The following PLEKHA5 variants were observed in gnomAD, a reference collection of about 807,000 sequenced individuals.
The protein encoded by PLEKHA5 is pleckstrin homology domain containing A5, also known as pleckstrin homology domain-containing family A member 5.
PLEKHA5 carries 55 observed loss-of-function variants against 181.9 expected under a neutral mutation model. That is an observed-to-expected ratio of 0.30 (90% confidence interval 0.24 to 0.38). The LOEUF is 0.38. Ranked by LOEUF, PLEKHA5 falls within the 10% of genes least tolerant of loss-of-function variation. The probability of loss-of-function intolerance (pLI) is 1.00; values close to 1 mark genes in which losing one functional copy is unlikely to be tolerated. For synonymous variants in PLEKHA5, 535 were observed against 529.4 expected (o/e 1.01, Z -0.15); for missense variants, 1,432 against 1,549.5 (o/e 0.92, Z 1.27).
At chr12:19,138,813 A>G (rs946882718) in intron 3 of PLEKHA5, among the ~76,000 whole-genome samples, 1 of 152,138 alleles carries the variant, frequency 6.6e-6, no homozygotes, top group African/African-American at 2.4e-5. Flanking sequence ...CTTGTTAGTG[A>G]TGGTTCTGTA....
In PLEKHA5 at chr12:19,253,064, CTTTTTTTTTTTTTT is replaced by C. The variant is rs35536570; in HGVS notation, c.228-863_228-850del. Among the ~76,000 whole-genome samples, 4 of 45,876 alleles carry C rather than the reference CTTTTTTTTTTTTTT, an allele frequency of 8.7e-5. No individual in the cohort carries two copies. The East Asian group carries it at 1.7e-3, about 19-fold the overall frequency. The allele number at this position is 45,876 out of a possible 152,430, so 30.1% of individuals were successfully genotyped here. A position where few individuals can be genotyped will look rare whatever the true frequency, so the allele number is the denominator to read the frequency against. On this transcript the variant is annotated intron_variant, in intron 3 of 31. Transcript: ENST00000429027. ...GAGCTAAACAGCCAAATCAACTTAC[CTTTTTTTTTTTTTT>C]TTTTTTTTTTTTGGGAGACAGAGGC...
In PLEKHA5 at chr12:19,235,024, GTTTTC is replaced by G. The variant is rs2061205473; in HGVS notation, c.228-18911_228-18907del. Among the ~76,000 whole-genome samples the G allele has an allele frequency of 2.6e-5, 4 of 151,786 alleles. No individual in the cohort carries two copies. The South Asian group carries it at 6.3e-4, about 24-fold the overall frequency. Reference sequence around the variant, plus strand: ...TTTTCATGTTTCTGAGAATGGATTTGTTTTCTTTTATTGTATGAGGAGTTTAAACT... The same window carrying G: ...TTTTCATGTTTCTGAGAATGGATTTGTTTTATTGTATGAGGAGTTTAAACT... On this transcript the variant is annotated intron_variant, in intron 3 of 31. Coordinates refer to ENST00000429027, the MANE Select transcript of PLEKHA5 (RefSeq NM_001256470.2).
chr12:19,212,832 G>T (rs866493220), intron 3 of PLEKHA5, among the ~76,000 whole-genome samples: 875 of 83,160 alleles, frequency 0.011, 6 homozygotes, highest in African/African-American at 0.031. Context: ...GTTTTTTTTT[G>T]TTGTTTTTTT....
chr12:19,180,243 A>G (rs189348962), intron 3 of PLEKHA5, among the ~76,000 whole-genome samples: 32 of 152,298 alleles, frequency 2.1e-4, no homozygotes, highest in Admixed American at 5.9e-4. Flanking sequence ...ACAGCTGAAT[A>G]TAGACTTTAA....
Position 19,283,366 on chromosome 12 carries a change from T to C in PLEKHA5, c.1400T>C (p.Leu467Pro). 1 of 1,613,700 alleles carries C rather than the reference T, an allele frequency of 6.2e-7. No individual in the cohort carries two copies. The highest frequency in any genetic ancestry group is 8.5e-7 in the Non-Finnish European group (1 of 1,179,948). The change falls in exon 12 of 32, where the codon CTC (leucine) becomes CCC (proline). Residue 467 changes from leucine to proline, a missense_variant. This residue lies in a region of PLEKHA5 where 1,143 missense variants were observed against 1,168.4 expected (regional missense o/e 0.98). Coordinates refer to ENST00000429027, the MANE Select transcript of PLEKHA5 (RefSeq NM_001256470.2). ...MARYPEGYRTLPRNSKTRPES... is the reference protein window; with the variant it reads ...MARYPEGYRTPPRNSKTRPES... ...CGCTACCCTGAAGGTTATAGAACACTCCCAAGAAACAGCAAGACAAGGCCT... is the reference window on the plus strand; with the variant it reads ...CGCTACCCTGAAGGTTATAGAACACCCCCAAGAAACAGCAAGACAAGGCCT...
intron 20 of PLEKHA5, among the ~76,000 whole-genome samples, chr12:19,333,695 AC>A (rs954939882): frequency 7.1e-6 from 1 of 140,084 alleles, no homozygotes; most frequent in Non-Finnish European, 1.5e-5. Flanking sequence ...TGCAACCTCC[AC>A]CCCCCAGGTT....
intron 3 of PLEKHA5, among the ~76,000 whole-genome samples, chr12:19,225,676 C>G (rs2059594217): frequency 6.6e-6 from 1 of 152,132 alleles, no homozygotes; most frequent in African/African-American, 2.4e-5. Context: ...CCTCAAGGAT[C>G]TTCATAACTG....
At chr12:19,296,787 C>A (rs1196748225) in intron 15 of PLEKHA5, among the ~76,000 whole-genome samples, 1 of 152,110 alleles carries the variant, frequency 6.6e-6, no homozygotes, top group Non-Finnish European at 1.5e-5. Flanking sequence ...AGGAAGCAGT[C>A]AAAAACTCTC....
intron 3 of PLEKHA5, among the ~76,000 whole-genome samples, chr12:19,245,312 T>G (rs929481701): frequency 6.6e-6 from 1 of 152,194 alleles, no homozygotes; most frequent in Non-Finnish European, 1.5e-5. Flanking sequence ...TATTATAATA[T>G]AACTGCATTT....
intron 3 of PLEKHA5, among the ~76,000 whole-genome samples, chr12:19,240,262 G>A (rs2062244606): frequency 6.6e-6 from 1 of 152,004 alleles, no homozygotes; most frequent in Non-Finnish European, 1.5e-5. Flanking sequence ...TAAATTGTGT[G>A]GCAATTTATG....
At chr12:19,207,360 A>G (rs901149144) in intron 3 of PLEKHA5, 10 of 152,208 alleles carry the variant, frequency 6.6e-5, no homozygotes, top group African/African-American at 2.2e-4. Context: ...AAATACTGGG[A>G]AAATGAAAGA....
In PLEKHA5 at chr12:19,358,340, G is replaced by A. The variant is rs1408738895; in HGVS notation, c.3251G>A (p.Arg1084Lys). 1 of 1,613,808 alleles carries A rather than the reference G, an allele frequency of 6.2e-7. No homozygotes were observed. Among genetic ancestry groups the A allele is most frequent in the Non-Finnish European group, 8.5e-7 (1 of 1,179,824 alleles). The change falls in exon 27 of 32, where the codon AGG (arginine) becomes AAG (lysine). Residue 1084 changes from arginine (R) to lysine (K), a missense_variant. Transcript: ENST00000429027. The stretch of plus-strand genomic sequence containing the variant: ...AGAAGACATCAACAAGCGTGCCTGA[G>A]GGAGAAGAAAAAAGGGTTAAATGTT... Reference protein sequence around the residue: ...RIRRHQQACLREKKKGLNVIG... With the variant: ...RIRRHQQACLKEKKKGLNVIG...
intron 13 of PLEKHA5, chr12:19,288,149 C>A: frequency 3.4e-6 from 1 of 289,966 alleles, no homozygotes; most frequent in Non-Finnish European, 6.7e-6. Flanking sequence ...TTCCCTTATC[C>A]TTAAAACAGA....
At chr12:19,129,922 G>T in intron 1 of PLEKHA5, 34 bp downstream of exon 1, 1 of 1,565,790 alleles carries the variant, frequency 6.4e-7, no homozygotes, top group South Asian at 1.1e-5. Flanking sequence ...GGGCCCGCGG[G>T]GGCGGGAGGG....
chr12:19,308,091 G>A (rs1459285304), intron 15 of PLEKHA5, among the ~76,000 whole-genome samples: 1 of 151,952 alleles, frequency 6.6e-6, no homozygotes, highest in Admixed American at 6.6e-5. Flanking sequence ...GTATGACAGT[G>A]AGAGAGAGGA....
At chr12:19,175,033 A>G (rs2046860554) in intron 3 of PLEKHA5, among the ~76,000 whole-genome samples, 1 of 152,248 alleles carries the variant, frequency 6.6e-6, no homozygotes, top group Non-Finnish European at 1.5e-5. Context: ...AAATGGGAAC[A>G]GTGAAAGTCA....
At chr12:19,169,649 A>G (rs1229631305) in intron 3 of PLEKHA5, among the ~76,000 whole-genome samples, 3 of 152,216 alleles carry the variant, frequency 2.0e-5, no homozygotes, top group Non-Finnish European at 4.4e-5. Flanking sequence ...AAGAACCCAT[A>G]CAAGTCTTTT....
chr12:19,158,929 A>T (rs16915133), intron 3 of PLEKHA5, among the ~76,000 whole-genome samples: 13,776 of 152,226 alleles, frequency 0.09, 771 homozygotes, highest in Admixed American at 0.18. Context: ...AAGTGATCAG[A>T]CATCTCTATC....
chr12:19,366,482 G>A lies in PLEKHA5; in HGVS notation c.3754+373G>A, dbSNP rs566876053. ...AGCCTGGCCAAGATAGTGAAACCCC[G>A]TCTCTACTAAAAATACAAAAAATTA... On this transcript the variant is annotated intron_variant, in intron 30 of 31. Coordinates refer to ENST00000429027, the MANE Select transcript of PLEKHA5 (RefSeq NM_001256470.2). Among the ~76,000 whole-genome samples the A allele has an allele frequency of 1.8e-4, 28 of 152,056 alleles. 1 individual carries two copies. The highest frequency in any genetic ancestry group is 6.6e-4 in the Admixed American group (10 of 15,258).
Sources: allele counts gnomAD v4.1 joint callset (sites outside exome capture counted in the v4.1 genomes callset), GRCh38; gene constraint gnomAD v4.1.1; regional missense constraint gnomAD v4.1.1; transcripts MANE v1.5; gene names NCBI Gene and HGNC (gene_info 2026-07-23, HGNC 2026-07-21).